The following YIPF2 variants were observed in gnomAD, a reference collection of about 807,000 sequenced individuals.
YIPF2 encodes the protein protein YIPF2.
YIPF2 carries 30 observed loss-of-function variants against 38.8 expected under a neutral mutation model. The observed-to-expected ratio is 0.77, with a 90% CI of 0.58 to 1.05. The LOEUF is 1.05. Among genes scored for constraint, YIPF2 ranks in the 50% least tolerant of loss-of-function variants. The probability of loss-of-function intolerance (pLI) is 0.00; values close to 1 mark genes in which losing one functional copy is unlikely to be tolerated. For missense variants in YIPF2, 401 were observed against 409.7 expected, an observed-to-expected ratio of 0.98 and a Z score of 0.18; for synonymous variants, 194 against 183.8, an observed-to-expected ratio of 1.06 and a Z score of -0.45.
rs1484269704 is a variant in YIPF2 at position 10,923,926 on chromosome 19, C to T, written c.558G>A (p.Trp186Ter). The change falls in exon 7 of 10, where the codon TGG (tryptophan) becomes TGA (stop). Residue 186 changes from tryptophan (W) to a stop codon, truncating the protein, a stop_gained. Transcript: ENST00000586748. LOFTEE classifies it high-confidence loss of function. ...CCATGCGCTCCTGGACACCCTTGCG[C>T]CACCGCAGGAAGCCCCACAGGGCCA... The part of the protein sequence containing the change: ...VPLALWGFLR[W>*]RKGVQERMGP... 1 of 1,613,384 alleles carries T rather than the reference C, an allele frequency of 6.2e-7. No individual in the cohort carries two copies. Among genetic ancestry groups the T allele is most frequent in the South Asian group, 1.1e-5 (1 of 91,026 alleles).
intron 6 of YIPF2, 26 bp from the exon 7 acceptor site, chr19:10,924,025 C>A: frequency 1.2e-6 from 2 of 1,612,508 alleles, no homozygotes. Context: ...TGAGCAGTCA[C>A]CCCCTGTACC....
In YIPF2 at chr19:10,927,873, C is replaced by T. The variant is rs748665976; in HGVS notation, c.118G>A (p.Val40Met). 7.4e-6 allele frequency: 12 copies of T among 1,612,350 alleles called. No homozygotes were observed. In the East Asian group the frequency reaches 2.5e-4, roughly 33 times the overall value. ...RSDQLTPQGH[V>M]AVAVGSGGSY... is the part of the protein sequence containing the mutation. ...CCACCTGAGCCCACGGCCACAGCCA[C>T]GTGCCCTTGTGGGGTCAGCTGATCG... Residue 40 changes from valine (V) to methionine (M), a missense_variant, in exon 3 of 10, where the codon GTG becomes ATG. By Grantham distance (21) the Val-to-Met change is conservative. Transcript: ENST00000586748.
At position 10,923,539 on chromosome 19, in the gene YIPF2, A is replaced by G. The variant is rs772954931; in HGVS notation, c.790T>C (p.Ser264Pro). The change falls in exon 8 of 10, where the codon TCC becomes CCC. Residue 264 changes from serine (S) to proline (P), a missense_variant. By Grantham distance (74) the Ser-to-Pro change is moderately conservative. Transcript: ENST00000586748. ...AGGGCGTGGAGCAGCACGACCACGG[A>G]CAGCAGCACTGTGGCCACCAGCCTG... is the stretch of plus-strand genomic sequence containing the variant. ...DTRLVATVLL[S>P]VVVLLHALLA... 6.2e-7 allele frequency: 1 copy of G among 1,612,606 alleles called. No individual in the cohort carries two copies. Among genetic ancestry groups the G allele is most frequent in the Admixed American group, 1.7e-5 (1 of 59,994 alleles).
In YIPF2 at chr19:10,922,929, T is replaced by G; in HGVS notation, c.*265A>C. 2.1e-5 allele frequency: 4 copies of G among 191,306 alleles called. No individual in the cohort carries two copies. The highest frequency in any genetic ancestry group is 3.2e-5 in the Non-Finnish European group (3 of 94,640). The allele number at this position is 191,306 out of a possible 1,614,324, so 11.9% of individuals were successfully genotyped here. ...TCTCCCTCCTGTTCCAGGGGAGCCA[T>G]AGGAGGGAAAGCAGGTGGCCCGGGG... On this transcript the variant is annotated 3_prime_UTR_variant, in exon 10 of 10. Coordinates refer to ENST00000586748, the MANE Select transcript of YIPF2 (RefSeq NM_001321439.2).
chr19:10,924,408 T>A (rs2083386280), intron 5 of YIPF2, among the ~76,000 whole-genome samples: 1 of 152,016 alleles, frequency 6.6e-6, no homozygotes, highest in Non-Finnish European at 1.5e-5. Context: ...TTGGCCTGTG[T>A]CTCACCTCAT....
rs1229697310 is a variant in YIPF2 at position 10,927,627 on chromosome 19, G to C, written c.279+3C>G. On this transcript the variant is annotated splice_donor_region_variant and intron_variant, in intron 4 of 9. Transcript: ENST00000586748. ...CCCATCCCACCTGCCTCCCCAGCCT[G>C]ACCTGTGAGGTGTCCACGTCAAAGA... The C allele has an allele frequency of 1.2e-6, 2 of 1,613,616 alleles. No individual in the cohort carries two copies. The highest frequency in any genetic ancestry group is 3.3e-5 in the Admixed American group (2 of 59,980).
rs1568360128 is a variant in YIPF2 at position 10,922,737 on chromosome 19, A to T, written c.*457T>A. The T allele has an allele frequency of 6.6e-6, 1 of 152,510 alleles. No homozygotes were observed. The highest frequency in any genetic ancestry group is 1.5e-5 in the Non-Finnish European group (1 of 68,234). 9.4% of individuals were successfully genotyped at this position (152,510 alleles called of 1,614,324 possible). A position where few individuals can be genotyped will look rare whatever the true frequency, so the allele number is the denominator to read the frequency against. ...CTCCCTCCAAAAAAAGAAAAAAAGA[A>T]AAAGAAAGAAAAAATAAATGAGGAA... On this transcript the variant is annotated 3_prime_UTR_variant, in exon 10 of 10. Coordinates refer to ENST00000586748, the MANE Select transcript of YIPF2 (RefSeq NM_001321439.2).
Position 10,927,643 on chromosome 19 carries a change from A to C in YIPF2, c.266T>G (p.Val89Gly), listed in dbSNP as rs772916796. 3 of 1,613,682 alleles carry C rather than the reference A, an allele frequency of 1.9e-6. No individual in the cohort carries two copies. The highest frequency in any genetic ancestry group is 2.5e-6 in the Non-Finnish European group (3 of 1,179,994). The change falls in exon 4 of 10, where the codon GTG (valine) becomes GGG (glycine). Residue 89 changes from valine to glycine, a missense_variant. By Grantham distance (109) the Val-to-Gly change is moderately radical. Transcript: ENST00000586748. ...TFSYYQSFFD[V>G]DTSQVLDRIK... Reference sequence around the variant, plus strand: ...CCCCAGCCTGACCTGTGAGGTGTCCACGTCAAAGAAGCTCTGATAGTAGCT... The same window carrying C: ...CCCCAGCCTGACCTGTGAGGTGTCCCCGTCAAAGAAGCTCTGATAGTAGCT...
At chr19:10,925,343 G>A (rs1483797935) in intron 5 of YIPF2, among the ~76,000 whole-genome samples, 1 of 152,084 alleles carries the variant, frequency 6.6e-6, no homozygotes, top group East Asian at 1.9e-4. Flanking sequence ...ATGCCGCCCT[G>A]CAGTTCATGC....
chr19:10,927,561 C>A (rs1189168564), intron 4 of YIPF2, 69 bp downstream of exon 4: 1 of 1,578,582 alleles, frequency 6.3e-7, no homozygotes, highest in South Asian at 1.2e-5. Flanking sequence ...CAGCACCCTG[C>A]CCAGGGGAAG....
At chr19:10,925,553 C>T (rs2083409825) in intron 5 of YIPF2, 133 bp downstream of exon 5, 1 of 1,071,704 alleles carries the variant, frequency 9.3e-7, no homozygotes, top group Admixed American at 2.1e-5. Flanking sequence ...CTTCATGTCT[C>T]TGTCTCCCTG....
At position 10,923,915 on chromosome 19, in the gene YIPF2, A is replaced by G; in HGVS notation, c.569T>C (p.Val190Ala). ...LWGFLRWRKG[V>A]QERMGPYTFL... ...GGTGTAGGGCCCCATGCGCTCCTGG[A>G]CACCCTTGCGCCACCGCAGGAAGCC... The change falls in exon 7 of 10, where the codon GTC becomes GCC. Residue 190 changes from valine to alanine, a missense_variant. Transcript: ENST00000586748. 2.5e-6 allele frequency: 4 copies of G among 1,613,320 alleles called. No homozygotes were observed. The highest frequency in any genetic ancestry group is 3.4e-6 in the Non-Finnish European group (4 of 1,179,736).
Position 10,922,568 on chromosome 19 carries a change from A to C in YIPF2, c.*626T>G, listed in dbSNP as rs1177546390. ...TGGGGCAGACACAGACACCTCAAGG[A>C]TCTGTCACGGAAGGCGTCCTTTTTC... On this transcript the variant is annotated 3_prime_UTR_variant, in exon 10 of 10. Transcript: ENST00000586748. 6.6e-6 allele frequency: 1 copy of C among 150,888 alleles called. No homozygotes were observed. The highest frequency in any genetic ancestry group is 2.0e-4 in the East Asian group (1 of 5,080). 9.3% of individuals were successfully genotyped at this position (150,888 alleles called of 1,614,324 possible).
intron 6 of YIPF2, 37 bp from the exon 7 acceptor site, chr19:10,924,036 C>T (rs748362366): frequency 6.2e-7 from 1 of 1,612,836 alleles, no homozygotes; most frequent in Admixed American, 1.7e-5. Context: ...CCCCTGTACC[C>T]CAGGGCCCTG....
At position 10,924,300 on chromosome 19, in the gene YIPF2, T is replaced by C. The variant is rs112172158; in HGVS notation, c.368-108A>G. ...GACCCCAGCCTCTTCCTAAGCACCT[T>C]GCCTGACTCACCAGGACACCGGGGG... is the stretch of plus-strand genomic sequence containing the variant. On this transcript the variant is annotated intron_variant, in intron 5 of 9. Coordinates refer to ENST00000586748, the MANE Select transcript of YIPF2 (RefSeq NM_001321439.2). The C allele has an allele frequency of 3.4e-4, 348 of 1,021,676 alleles. 3 individuals are homozygous for C. In the African/African-American group the frequency reaches 4.6e-3, roughly 13 times the overall value. 63.3% of individuals were successfully genotyped at this position (1,021,676 alleles called of 1,614,324 possible).
intron 2 of YIPF2, 22 bp downstream of exon 2, chr19:10,928,358 G>A (rs946732496): frequency 3.9e-5 from 51 of 1,323,582 alleles, no homozygotes; most frequent in Non-Finnish European, 4.9e-5. Flanking sequence ...GGGAGATCCG[G>A]CCACGTCGGG....
chr19:10,925,900 CCTCT>C (rs1157795438), intron 4 of YIPF2, 127 bp from the exon 5 acceptor site: 2 of 797,504 alleles, frequency 2.5e-6, no homozygotes, highest in Non-Finnish European at 3.8e-6. Flanking sequence ...TCAGCCTTTC[CCTCT>C]CTTTTTTTTT....
At position 10,923,817 on chromosome 19, in the gene YIPF2, G is replaced by A. The variant is rs781626066; in HGVS notation, c.651+16C>T. 29 of 1,609,166 alleles carry A rather than the reference G, an allele frequency of 1.8e-5. No homozygotes were observed. Among genetic ancestry groups the A allele is most frequent in the South Asian group, 6.6e-5 (6 of 90,464 alleles). ...CCCACACAGCCACCACCCACTCCGCGCCAGGCCACACTCACCACCATGGGG... is the reference window on the plus strand; with the variant it reads ...CCCACACAGCCACCACCCACTCCGCACCAGGCCACACTCACCACCATGGGG... On this transcript the variant is annotated intron_variant, in intron 7 of 9. Coordinates refer to ENST00000586748, the MANE Select transcript of YIPF2 (RefSeq NM_001321439.2).
Position 10,927,645 on chromosome 19 carries a change from G to A in YIPF2, c.264C>T (p.Asp88=), listed in dbSNP as rs374465630. The A allele has an allele frequency of 2.7e-5, 43 of 1,613,774 alleles. No individual in the cohort carries two copies. The highest frequency in any genetic ancestry group is 3.6e-5 in the Non-Finnish European group (42 of 1,179,988). The change falls in exon 4 of 10, where the codon GAC becomes GAT. Residue 88 remains aspartate, a synonymous_variant. Coordinates refer to ENST00000586748, the MANE Select transcript of YIPF2 (RefSeq NM_001321439.2). The part of the protein sequence containing the change: ...WTFSYYQSFF[D]VDTSQVLDRI... ...CCAGCCTGACCTGTGAGGTGTCCAC[G>A]TCAAAGAAGCTCTGATAGTAGCTGA... is the stretch of plus-strand genomic sequence containing the variant.
Sources: gnomAD v4.1 joint callset for allele counts (sites outside exome capture counted in the v4.1 genomes callset) on GRCh38, gnomAD v4.1.1 for gene constraint, MANE v1.5 for transcripts, NCBI Gene and HGNC (gene_info 2026-07-23, HGNC 2026-07-21) for gene names.